The following TMPRSS11D variants were observed in gnomAD, a reference collection of about 807,000 sequenced individuals.
TMPRSS11D encodes the protein transmembrane serine protease 11D.
A neutral mutation model predicts 44.4 loss-of-function variants in TMPRSS11D; 32 were observed. The ratio of observed to expected loss-of-function variants is 0.72; its 90% CI spans 0.54 to 0.97. TMPRSS11D has a LOEUF of 0.97. TMPRSS11D is among the 50% of genes least tolerant of loss of function. The pLI is 0.00. For synonymous variants in TMPRSS11D, 179 were observed against 177.9 expected, an observed-to-expected ratio of 1.01 and a Z score of -0.05; for missense variants, 446 against 502.6, an observed-to-expected ratio of 0.89 and a Z score of 1.08.
At chr4:67,852,913 A>T (rs1335165345) in intron 3 of TMPRSS11D, among the ~76,000 whole-genome samples, 1 of 152,210 alleles carries the variant, frequency 6.6e-6, no homozygotes, top group African/African-American at 2.4e-5. Context: ...AAATATTTAT[A>T]ATATAAAATA....
intron 8 of TMPRSS11D, 124 bp from the exon 9 acceptor site, chr4:67,825,998 T>A (rs957256468): frequency 8.4e-7 from 1 of 1,188,264 alleles, no homozygotes; most frequent in Non-Finnish European, 1.1e-6. Context: ...TGAAGGCTTC[T>A]AAAGATTTAC....
At chr4:67,874,884 A>G (rs1417566451) in intron 1 of TMPRSS11D, among the ~76,000 whole-genome samples, 2 of 152,186 alleles carry the variant, frequency 1.3e-5, no homozygotes, top group African/African-American at 4.8e-5. Context: ...CTATTTAACT[A>G]TATCTACTAA....
At chr4:67,844,019 C>T (rs1718298544) in intron 3 of TMPRSS11D, among the ~76,000 whole-genome samples, 2 of 152,212 alleles carry the variant, frequency 1.3e-5, no homozygotes, top group Admixed American at 6.5e-5. Context: ...TCTCCTGAGG[C>T]ATAACATTCA....
chr4:67,859,464 T>A, intron 2 of TMPRSS11D, 93 bp downstream of exon 2: 1 of 1,397,888 alleles, frequency 7.2e-7, no homozygotes, highest in Admixed American at 2.1e-5. Flanking sequence ...TATTAAGAAA[T>A]AAAAGCCATA....
At chr4:67,866,393 T>G (rs1718926630) in intron 1 of TMPRSS11D, among the ~76,000 whole-genome samples, 1 of 151,990 alleles carries the variant, frequency 6.6e-6, no homozygotes, top group African/African-American at 2.4e-5. Flanking sequence ...AACATCATAC[T>G]GTACAGGGAA....
chr4:67,862,947 C>T (rs891189411), intron 1 of TMPRSS11D, among the ~76,000 whole-genome samples: 1 of 151,668 alleles, frequency 6.6e-6, no homozygotes, highest in Non-Finnish European at 1.5e-5. Context: ...AGGAGATATA[C>T]CTAATGTAAA....
intron 8 of TMPRSS11D, among the ~76,000 whole-genome samples, chr4:67,826,760 GAAAA>G (rs35777866): frequency 7.9e-6 from 1 of 125,884 alleles, no homozygotes; most frequent in East Asian, 2.3e-4. Context: ...CCTGTCTGTA[GAAAA>G]AAAAAAAAAA....
intron 3 of TMPRSS11D, among the ~76,000 whole-genome samples, chr4:67,847,347 A>T (rs1718383955): frequency 6.6e-6 from 1 of 152,226 alleles, no homozygotes; most frequent in South Asian, 2.1e-4. Flanking sequence ...TAGATAAGGA[A>T]ATATGTCAGT....
At chr4:67,845,169 G>A (rs1328253237) in intron 3 of TMPRSS11D, among the ~76,000 whole-genome samples, 1 of 152,050 alleles carries the variant, frequency 6.6e-6, no homozygotes. Context: ...AAGATAATAA[G>A]CAACATAAAG....
chr4:67,866,737 T>C (rs933430374), intron 1 of TMPRSS11D, among the ~76,000 whole-genome samples: 6 of 151,682 alleles, frequency 4.0e-5, no homozygotes, highest in Non-Finnish European at 7.4e-5. Context: ...CTATTTATAA[T>C]AGATTAAAAA....
chr4:67,876,427 A>C (rs1719192326), intron 1 of TMPRSS11D, among the ~76,000 whole-genome samples: 1 of 152,112 alleles, frequency 6.6e-6, no homozygotes, highest in African/African-American at 2.4e-5. Flanking sequence ...AATAGAATAT[A>C]TACATTTTAT....
intron 1 of TMPRSS11D, among the ~76,000 whole-genome samples, chr4:67,871,836 C>T (rs1353508236): frequency 6.6e-6 from 1 of 151,980 alleles, no homozygotes; most frequent in East Asian, 1.9e-4. Context: ...AACAACAGAA[C>T]AAAGGGAAAT....
At chr4:67,839,310 A>G (rs978018597) in intron 4 of TMPRSS11D, among the ~76,000 whole-genome samples, 3 of 152,192 alleles carry the variant, frequency 2.0e-5, no homozygotes, top group Non-Finnish European at 4.4e-5. Context: ...CACTGAACAA[A>G]TAATTACAAC....
At chr4:67,867,796 G>T (rs190903944) in intron 1 of TMPRSS11D, among the ~76,000 whole-genome samples, 3 of 152,070 alleles carry the variant, frequency 2.0e-5, no homozygotes, top group Admixed American at 6.6e-5. Flanking sequence ...CAGTTGGAAT[G>T]GTTATTAGAA....
At chr4:67,836,422 A>G (rs1038825300) in intron 5 of TMPRSS11D, among the ~76,000 whole-genome samples, 2 of 152,160 alleles carry the variant, frequency 1.3e-5, no homozygotes, top group African/African-American at 4.8e-5. Context: ...ACGCTCTCTC[A>G]AACCGACTTA....
intron 1 of TMPRSS11D, among the ~76,000 whole-genome samples, chr4:67,881,423 A>G (rs1467921669): frequency 6.6e-6 from 1 of 152,192 alleles, no homozygotes; most frequent in Non-Finnish European, 1.5e-5. Flanking sequence ...CATTAGAAAA[A>G]CATTTGGGCC....
intron 2 of TMPRSS11D, among the ~76,000 whole-genome samples, chr4:67,858,233 G>C (rs1182601238): frequency 6.6e-6 from 1 of 152,184 alleles, no homozygotes; most frequent in Non-Finnish European, 1.5e-5. Flanking sequence ...TGGAGATCCT[G>C]GGGGAAGGGT....
chr4:67,880,266 T>C (rs762991091), intron 1 of TMPRSS11D, among the ~76,000 whole-genome samples: 1 of 152,254 alleles, frequency 6.6e-6, no homozygotes, highest in Non-Finnish European at 1.5e-5. Flanking sequence ...AATTAGACTT[T>C]AAATGTGATG....
intron 3 of TMPRSS11D, among the ~76,000 whole-genome samples, chr4:67,849,920 C>T (rs1202727870): frequency 6.6e-6 from 1 of 152,090 alleles, no homozygotes; most frequent in East Asian, 1.9e-4. Context: ...CTTTACTTAC[C>T]AGTCTATACA....
Sources: allele counts gnomAD v4.1 joint callset (sites outside exome capture counted in the v4.1 genomes callset), GRCh38; gene constraint gnomAD v4.1.1; transcripts MANE v1.5; gene names NCBI Gene and HGNC (gene_info 2026-07-23, HGNC 2026-07-21).